Variants in HLCS observed in about 807,000 individuals in gnomAD.
HLCS encodes biotin--protein ligase.
In HLCS, 53 loss-of-function variants were observed where a neutral mutation model predicts 75.0. The ratio of observed to expected loss-of-function variants is 0.71; its 90% CI spans 0.57 to 0.89. HLCS has a LOEUF of 0.89. Ranked by LOEUF, HLCS falls within the 40% of genes least tolerant of loss-of-function variation. HLCS has a pLI of 0.00. For synonymous variants in HLCS, 431 were observed against 428.6 expected (o/e 1.01, Z -0.07); for missense variants, 966 against 1,074.0 (o/e 0.90, Z 1.41).
At chr21:36,909,426 C>T (rs920504155) in intron 5 of HLCS, among the ~76,000 whole-genome samples, 3 of 152,142 alleles carry the variant, frequency 2.0e-5, no homozygotes, top group Non-Finnish European at 4.4e-5. Context: ...TATTCACTAA[C>T]GTCCAAATAA....
At chr21:36,866,629 C>G (rs1215921942) in intron 6 of HLCS, among the ~76,000 whole-genome samples, 1 of 152,214 alleles carries the variant, frequency 6.6e-6, no homozygotes, top group Non-Finnish European at 1.5e-5. Flanking sequence ...GATCACATTC[C>G]TTCGATCATA....
At chr21:36,895,122 C>T (rs1002239275) in intron 6 of HLCS, among the ~76,000 whole-genome samples, 1 of 152,094 alleles carries the variant, frequency 6.6e-6, no homozygotes. Context: ...TTCCAAGGTT[C>T]CCAGGTGGCA....
intron 5 of HLCS, among the ~76,000 whole-genome samples, chr21:36,899,057 T>C (rs1335397598): frequency 6.6e-6 from 1 of 151,820 alleles, no homozygotes; most frequent in Non-Finnish European, 1.5e-5. Flanking sequence ...CCAAACCCTG[T>C]CTCAAGAAAA....
chr21:36,984,253 G>A (rs1422979286), intron 1 of HLCS, among the ~76,000 whole-genome samples: 1 of 151,916 alleles, frequency 6.6e-6, no homozygotes, highest in African/African-American at 2.4e-5. Context: ...GACCCCCAGT[G>A]GACGCCTGAA....
chr21:36,818,755 T>C (rs1341850452), intron 6 of HLCS, among the ~76,000 whole-genome samples: 2 of 152,140 alleles, frequency 1.3e-5, no homozygotes, highest in African/African-American at 4.8e-5. Context: ...CTCATTGTAT[T>C]TTGCTTGTAC....
At chr21:36,952,789 CAAAA>C (rs35700333) in intron 2 of HLCS, among the ~76,000 whole-genome samples, 6 of 48,850 alleles carry the variant, frequency 1.2e-4, no homozygotes, top group Admixed American at 4.0e-4. Flanking sequence ...GACTCCGTCT[CAAAA>C]AAAAAAAAAA....
chr21:36,769,171 G>C (rs2090144607), intron 6 of HLCS, among the ~76,000 whole-genome samples: 1 of 152,232 alleles, frequency 6.6e-6, no homozygotes, highest in Non-Finnish European at 1.5e-5. Context: ...TAAACTGCTA[G>C]AGGTTTGGCA....
intron 2 of HLCS, among the ~76,000 whole-genome samples, chr21:36,956,089 T>C (rs532701406): frequency 6.6e-6 from 1 of 152,332 alleles, no homozygotes; most frequent in East Asian, 1.9e-4. Context: ...TCACAATGTG[T>C]ATCTGTCGTG....
intron 8 of HLCS, among the ~76,000 whole-genome samples, chr21:36,760,762 T>TG (rs951820938): frequency 1.3e-4 from 20 of 150,600 alleles, no homozygotes; most frequent in African/African-American, 4.2e-4. Flanking sequence ...GGCCTGGGGG[T>TG]GGGGGGGCTC....
intron 6 of HLCS, among the ~76,000 whole-genome samples, chr21:36,879,834 C>T (rs1337909843): frequency 1.3e-5 from 2 of 151,662 alleles, no homozygotes; most frequent in African/African-American, 2.4e-5. Context: ...TGCTTGAGCC[C>T]AGGAGTTCGA....
intron 5 of HLCS, among the ~76,000 whole-genome samples, chr21:36,925,025 C>T (rs933884525): frequency 4.6e-5 from 7 of 152,226 alleles, no homozygotes; most frequent in South Asian, 4.1e-4. Context: ...GGCCTGTACC[C>T]GTTTTTTGAT....
At chr21:36,969,824 C>T (rs898949183), upstream of HLCS, among the ~76,000 whole-genome samples, 4 of 152,116 alleles carry the variant, frequency 2.6e-5, no homozygotes, top group African/African-American at 7.2e-5. Context: ...CGTCCCACCT[C>T]AGCCTCCCAA....
intron 5 of HLCS, among the ~76,000 whole-genome samples, chr21:36,919,123 A>G (rs140074150): frequency 4.0e-4 from 61 of 152,366 alleles, no homozygotes; most frequent in African/African-American, 1.4e-3. Flanking sequence ...TTCCTTCCAA[A>G]TAATACTGGC....
intron 6 of HLCS, among the ~76,000 whole-genome samples, chr21:36,890,234 T>C (rs1052530158): frequency 1.3e-5 from 2 of 152,312 alleles, no homozygotes; most frequent in Admixed American, 6.5e-5. Flanking sequence ...CAGTACTTTA[T>C]AGCAATGTGG....
intron 6 of HLCS, among the ~76,000 whole-genome samples, chr21:36,868,258 A>AGAAG (rs933236112): frequency 8.2e-4 from 122 of 148,914 alleles, no homozygotes; most frequent in African/African-American, 1.9e-3. Context: ...AAAGAAAGAG[A>AGAAG]GAAGGAAGGA....
chr21:36,757,575 G>A (rs922807465), intron 9 of HLCS, among the ~76,000 whole-genome samples: 1 of 152,088 alleles, frequency 6.6e-6, no homozygotes, highest in African/African-American at 2.4e-5. Context: ...TGTTTTCAGT[G>A]ACTTTAAGAA....
chr21:36,913,199 G>C (rs2065795122), intron 5 of HLCS, among the ~76,000 whole-genome samples: 1 of 152,104 alleles, frequency 6.6e-6, no homozygotes, highest in African/African-American at 2.4e-5. Context: ...GCTGGAATTT[G>C]AACCCATGAA....
intron 6 of HLCS, among the ~76,000 whole-genome samples, chr21:36,888,474 ATATATATATATATATATATATATTTATT>A (rs2064615304): frequency 1.2e-5 from 1 of 82,360 alleles, no homozygotes. Flanking sequence ...ATATATATAT[ATATATATATATATATATATATATTTATT>A]TATTTATTTT....
At chr21:36,912,179 C>T (rs1044851158) in intron 5 of HLCS, among the ~76,000 whole-genome samples, 2 of 152,020 alleles carry the variant, frequency 1.3e-5, no homozygotes, top group Non-Finnish European at 2.9e-5. Context: ...TATGTGTGTG[C>T]CAATGATCAT....
Sources: allele counts gnomAD v4.1 joint callset (sites outside exome capture counted in the v4.1 genomes callset), GRCh38; gene constraint gnomAD v4.1.1; transcripts MANE v1.5; gene names NCBI Gene and HGNC (gene_info 2026-07-23, HGNC 2026-07-21).